The following ACOT8 variants were observed in gnomAD, a reference collection of about 807,000 sequenced individuals.
ACOT8 encodes the protein acyl-coenzyme A thioesterase 8.
Under a neutral mutation model 38.4 loss-of-function variants are expected in ACOT8, and 31 were observed. That is an observed-to-expected ratio of 0.81 (90% confidence interval 0.61 to 1.09). The LOEUF is 1.09. Among genes scored for constraint, ACOT8 ranks in the 50% least tolerant of loss-of-function variants. ACOT8 has a pLI of 0.00. For synonymous variants in ACOT8, 158 were observed against 170.3 expected (o/e 0.93, Z 0.56); for missense variants, 373 against 421.8 (o/e 0.88, Z 1.01).
intron 2 of ACOT8, among the ~76,000 whole-genome samples, chr20:45,850,703 A>AAAAT (rs1450348111): frequency 6.6e-6 from 1 of 152,168 alleles, no homozygotes; most frequent in Non-Finnish European, 1.5e-5. Flanking sequence ...CAAAAAATAA[A>AAAAT]AAATAAAAAT....
In ACOT8 at chr20:45,841,975, G is replaced by C. The variant is rs1378900903; in HGVS notation, c.842-19C>G. On this transcript the variant is annotated intron_variant, in intron 5 of 5. Transcript: ENST00000217455. ...GAGCCACCTGTGGGTGAGGTGAAGG[G>C]TGATGATGGCCTGCTTCAGAACAGC... 1.9e-6 allele frequency: 3 copies of C among 1,612,698 alleles called. No homozygotes were observed. Among genetic ancestry groups the C allele is most frequent in the Non-Finnish European group, 2.5e-6 (3 of 1,179,892 alleles).
chr20:45,853,975 G>A (rs1275108611), intron 2 of ACOT8: 1 of 1,304,202 alleles, frequency 7.7e-7, no homozygotes, highest in Non-Finnish European at 1.0e-6. Flanking sequence ...AACACATGAG[G>A]GCATCTGCTC....
At chr20:45,855,855 C>G (rs1003657270) in intron 1 of ACOT8, among the ~76,000 whole-genome samples, 2 of 152,160 alleles carry the variant, frequency 1.3e-5, no homozygotes, top group African/African-American at 2.4e-5. Context: ...GCAGCTTGGC[C>G]CCAGAGATGA....
At chr20:45,849,067 A>C in intron 2 of ACOT8, 1 of 170,992 alleles carries the variant, frequency 5.8e-6, no homozygotes, top group Non-Finnish European at 1.2e-5. Context: ...GTTTAGAATA[A>C]TATCTGGCAC....
rs751117555 is a variant in ACOT8, at chr20:45,848,606, G to A, written c.332C>T (p.Ser111Phe). Residue 111 changes from serine to phenylalanine, a missense_variant, in exon 3 of 6, where the codon TCT (serine) becomes TTT (phenylalanine). Transcript: ENST00000217455. The stretch of plus-strand genomic sequence containing the variant: ...CTTCCCATGTTGCACGGCCTTCACA[G>A]AGCGCACCGAGAAGCTCGACCCTGT... ...TRTGSSFSVR[S>F]VKAVQHGKPI... 6.2e-7 allele frequency: 1 copy of A among 1,613,930 alleles called. No individual in the cohort carries two copies. Among genetic ancestry groups the A allele is most frequent in the African/African-American group, 1.3e-5 (1 of 75,036 alleles).
chr20:45,855,054 C>G, intron 2 of ACOT8, 105 bp downstream of exon 2: 3 of 1,503,330 alleles, frequency 2.0e-6, no homozygotes, highest in Non-Finnish European at 2.7e-6. Context: ...CACCCCTCCC[C>G]TTGTCTTCCA....
chr20:45,844,687 CTG>C (rs748852840), intron 3 of ACOT8, among the ~76,000 whole-genome samples: 51 of 152,230 alleles, frequency 3.4e-4, no homozygotes, highest in Non-Finnish European at 5.7e-4. Flanking sequence ...ATAACCAACA[CTG>C]TGAAGACAAG....
At chr20:45,849,407 C>CCTGAGTG in intron 2 of ACOT8, among the ~76,000 whole-genome samples, 1 of 151,962 alleles carries the variant, frequency 6.6e-6, no homozygotes, top group Admixed American at 6.6e-5. Context: ...GACTCAGCCT[C>CCTGAGTG]CTGAGTGGGG....
intron 3 of ACOT8, among the ~76,000 whole-genome samples, chr20:45,844,890 T>C (rs886461581): frequency 1.3e-5 from 2 of 152,178 alleles, no homozygotes; most frequent in Admixed American, 6.5e-5. Context: ...AGACAGGATT[T>C]GGACTCAGGC....
rs562825567 is a variant in ACOT8 at position 45,857,174 on chromosome 20, G to A, written c.128+14C>T. On this transcript the variant is annotated intron_variant, in intron 1 of 5. Coordinates refer to ENST00000217455, the MANE Select transcript of ACOT8 (RefSeq NM_005469.4). ...CCCTAAAGGAGGGGATGCTGGGCAG[G>A]AGCTGCCGGCTACCTGAAGAGATCC... The A allele has an allele frequency of 6.2e-6, 10 of 1,608,970 alleles. No homozygotes were observed. The highest frequency in any genetic ancestry group is 7.6e-6 in the Non-Finnish European group (9 of 1,176,762).
intron 2 of ACOT8, among the ~76,000 whole-genome samples, chr20:45,849,414 G>GGT (rs1984917052): frequency 6.7e-6 from 1 of 150,338 alleles, no homozygotes; most frequent in African/African-American, 2.5e-5. Flanking sequence ...CCTCCTGAGT[G>GGT]GGGGGGGACT....
rs759429673 is a variant in ACOT8 at position 45,857,308 on chromosome 20, G to A, written c.8C>T (p.Ser3Phe). ...CTGCCCATCTTCTGGGGCCTGCGGG[G>A]ACGACATCTAGTTCAATGCTGCAGG... MSSPQAPEDGQGC... is the reference protein window; with the variant it reads MSFPQAPEDGQGC... The change falls in exon 1 of 6, where the codon TCC (serine) becomes TTC (phenylalanine). Residue 3 changes from serine (S) to phenylalanine (F), a missense_variant. By Grantham distance (155) the Ser-to-Phe change is radical. Transcript: ENST00000217455. 3 of 1,604,736 alleles carry A rather than the reference G, an allele frequency of 1.9e-6. No individual in the cohort carries two copies. In the East Asian group the frequency reaches 6.8e-5, roughly 36 times the overall value.
chr20:45,850,666 A>G (rs6130945), intron 2 of ACOT8, among the ~76,000 whole-genome samples: 103,792 of 152,104 alleles, frequency 0.68, 35,498 homozygotes, highest in Admixed American at 0.74. Context: ...GGAAGAGCCT[A>G]GGCAACACAG....
chr20:45,849,460 T>A, intron 2 of ACOT8, among the ~76,000 whole-genome samples: 1 of 89,684 alleles, frequency 1.1e-5, no homozygotes, highest in Admixed American at 1.3e-4. Flanking sequence ...TAATTTTTTT[T>A]TTTTTTTTGA....
intron 5 of ACOT8, 167 bp downstream of exon 5, chr20:45,843,360 G>A (rs751205424): frequency 6.2e-5 from 57 of 920,406 alleles, no homozygotes; most frequent in East Asian, 3.4e-4. Context: ...CAGGTGTCCC[G>A]GCCTCACCCT....
At chr20:45,844,215 G>A (rs751474235) in intron 4 of ACOT8, 48 bp downstream of exon 4, 3 of 1,612,466 alleles carry the variant, frequency 1.9e-6, no homozygotes, top group Non-Finnish European at 1.7e-6. Flanking sequence ...CAAATGAGTG[G>A]TAGACCCCTT....
intron 5 of ACOT8, chr20:45,842,379 C>A: frequency 7.8e-7 from 1 of 1,281,156 alleles, no homozygotes; most frequent in South Asian, 2.1e-5. Context: ...TTCAACAGCT[C>A]GGCCAAGCAG....
At chr20:45,853,491 A>G (rs1403907308) in intron 2 of ACOT8, 1 of 154,776 alleles carries the variant, frequency 6.5e-6, no homozygotes, top group Non-Finnish European at 1.4e-5. Context: ...ATGGAAAACT[A>G]GATTATGCCA....
rs1568734439 is a variant in ACOT8 at position 45,843,514 on chromosome 20, G to A, written c.841+13C>T. ...AAGGTCAGTGCCCTTGTCCCACACG[G>A]CCCCACACTCACCGGCCCAGGGGCT... On this transcript the variant is annotated intron_variant, in intron 5 of 5. Coordinates refer to ENST00000217455, the MANE Select transcript of ACOT8 (RefSeq NM_005469.4). 1 of 1,607,614 alleles carries A rather than the reference G, an allele frequency of 6.2e-7. No individual in the cohort carries two copies. The highest frequency in any genetic ancestry group is 8.5e-7 in the Non-Finnish European group (1 of 1,176,392).
Sources: allele counts gnomAD v4.1 joint callset (sites outside exome capture counted in the v4.1 genomes callset), GRCh38; gene constraint gnomAD v4.1.1; transcripts MANE v1.5; gene names NCBI Gene and HGNC (gene_info 2026-07-23, HGNC 2026-07-21).